The following SPIRE1 variants were observed in gnomAD, a reference collection of about 807,000 sequenced individuals.
The protein encoded by SPIRE1 is protein spire homolog 1.
Under a neutral mutation model 94.1 loss-of-function variants are expected in SPIRE1, and 40 were observed. That is an observed-to-expected ratio of 0.43 (90% confidence interval 0.33 to 0.55). SPIRE1 has a LOEUF of 0.55. Ranked by LOEUF, SPIRE1 falls within the 20% of genes least tolerant of loss-of-function variation. The pLI is 0.06. For missense variants in SPIRE1, 838 were observed against 975.2 expected (o/e 0.86, Z 1.87); for synonymous variants, 376 against 371.7 (o/e 1.01, Z -0.13).
chr18:12,487,302 G>A (rs2033072022), intron 8 of SPIRE1, among the ~76,000 whole-genome samples: 1 of 151,972 alleles, frequency 6.6e-6, no homozygotes, highest in Admixed American at 6.6e-5. Flanking sequence ...TACATATAAA[G>A]TTTGGTACTA....
intron 2 of SPIRE1, among the ~76,000 whole-genome samples, chr18:12,583,326 G>A (rs143212959): frequency 5.8e-4 from 89 of 152,276 alleles, no homozygotes; most frequent in African/African-American, 2.1e-3. Flanking sequence ...GAAAAAGGCC[G>A]GGTATGGTGG....
At chr18:12,558,621 T>C (rs1021254239) in intron 2 of SPIRE1, among the ~76,000 whole-genome samples, 4 of 152,194 alleles carry the variant, frequency 2.6e-5, no homozygotes, top group African/African-American at 4.8e-5. Flanking sequence ...AGAGTGCTGA[T>C]TGGTGTGTTT....
At chr18:12,597,186 AC>A (rs2036699089) in intron 2 of SPIRE1, among the ~76,000 whole-genome samples, 2 of 151,364 alleles carry the variant, frequency 1.3e-5, no homozygotes, top group Admixed American at 6.6e-5. Context: ...ACACACACAC[AC>A]ACACACACAC....
chr18:12,499,162 G>C (rs2033568271), intron 6 of SPIRE1, among the ~76,000 whole-genome samples: 1 of 152,080 alleles, frequency 6.6e-6, no homozygotes, highest in Non-Finnish European at 1.5e-5. Flanking sequence ...GACTGATATT[G>C]GTCCCCTAAT....
At chr18:12,514,604 C>A (rs577504754) in intron 4 of SPIRE1, among the ~76,000 whole-genome samples, 3 of 152,222 alleles carry the variant, frequency 2.0e-5, no homozygotes, top group African/African-American at 7.2e-5. Flanking sequence ...TATTTAATAG[C>A]CCTTACCAAG....
Position 12,448,893 on chromosome 18 carries a change from G to A in SPIRE1, c.*745C>T, listed in dbSNP as rs1387434083. The A allele has an allele frequency of 2.0e-5, 3 of 152,494 alleles. No individual in the cohort carries two copies. The highest frequency in any genetic ancestry group is 7.2e-5 in the African/African-American group (3 of 41,410). The allele number at this position is 152,494 out of a possible 1,614,324, so 9.4% of individuals were successfully genotyped here. A position where few individuals can be genotyped will look rare whatever the true frequency, so the allele number is the denominator to read the frequency against. ...AACTCCCACACAACTTTAATTCTTA[G>A]ACCTCCATTATAAAACTATTAGTAA... On this transcript the variant is annotated 3_prime_UTR_variant, in exon 17 of 17. Coordinates refer to ENST00000409402, the MANE Select transcript of SPIRE1 (RefSeq NM_001128626.2). This position sits in a 1 kb window ranked among gnomAD's most constrained non-coding sequence, Gnocchi z 4.4.
intron 9 of SPIRE1, among the ~76,000 whole-genome samples, chr18:12,481,935 A>T (rs1376350955): frequency 6.6e-6 from 1 of 152,048 alleles, no homozygotes; most frequent in Non-Finnish European, 1.5e-5. Flanking sequence ...CACACCTTCC[A>T]CCTTTCCTAA....
At chr18:12,506,665 ACAT>A (rs1348479573) in intron 5 of SPIRE1, 24 bp from the exon 6 acceptor site, 1 of 1,609,410 alleles carries the variant, frequency 6.2e-7, no homozygotes, top group East Asian at 2.2e-5. Context: ...GGATAGAGAG[ACAT>A]CAATGAATAA....
chr18:12,606,586 G>A (rs1188416357), intron 2 of SPIRE1, among the ~76,000 whole-genome samples: 3 of 150,434 alleles, frequency 2.0e-5, no homozygotes, highest in Non-Finnish European at 4.4e-5. Flanking sequence ...GCTGGAATGC[G>A]GTAGCACGAT....
At chr18:12,606,566 T>C (rs1567963365) in intron 2 of SPIRE1, among the ~76,000 whole-genome samples, 1 of 151,400 alleles carries the variant, frequency 6.6e-6, no homozygotes, top group Non-Finnish European at 1.5e-5. Context: ...GGTCTTACTC[T>C]GTCGCCCAGG....
At chr18:12,514,042 A>C (rs1271084798) in intron 4 of SPIRE1, among the ~76,000 whole-genome samples, 1 of 151,836 alleles carries the variant, frequency 6.6e-6, no homozygotes, top group Non-Finnish European at 1.5e-5. Flanking sequence ...GGGTCTCACT[A>C]TATTGCCTGG....
chr18:12,575,026 A>G (rs12970174), intron 2 of SPIRE1, among the ~76,000 whole-genome samples: 53,723 of 152,062 alleles, frequency 0.35, 10,780 homozygotes, highest in East Asian at 0.58. Flanking sequence ...CAGCAGTCTC[A>G]GAAAATTCAA....
At chr18:12,656,027 T>C (rs1231193880) in intron 1 of SPIRE1, among the ~76,000 whole-genome samples, 3 of 151,824 alleles carry the variant, frequency 2.0e-5, no homozygotes, top group Non-Finnish European at 4.4e-5. Context: ...GCCTCCCGAG[T>C]AGCTGGTATT....
intron 2 of SPIRE1, among the ~76,000 whole-genome samples, chr18:12,555,530 AATCT>A (rs893686941): frequency 2.6e-5 from 4 of 152,182 alleles, no homozygotes; most frequent in African/African-American, 9.7e-5. Flanking sequence ...CAAATCAATC[AATCT>A]GACACATCAT....
intron 9 of SPIRE1, among the ~76,000 whole-genome samples, chr18:12,482,230 C>T (rs772379173): frequency 3.3e-5 from 5 of 152,178 alleles, no homozygotes; most frequent in Admixed American, 6.5e-5. Flanking sequence ...GTAACCTCTG[C>T]CTCCTGGGTT....
intron 6 of SPIRE1, among the ~76,000 whole-genome samples, chr18:12,506,075 T>C (rs1037132524): frequency 6.6e-6 from 1 of 152,178 alleles, no homozygotes. Context: ...TGTATAAAAA[T>C]AAATAATTTT....
At chr18:12,566,199 G>A (rs1388480110) in intron 2 of SPIRE1, among the ~76,000 whole-genome samples, 1 of 152,032 alleles carries the variant, frequency 6.6e-6, no homozygotes, top group Non-Finnish European at 1.5e-5. Context: ...AGCTGGGCAT[G>A]GTGGTGCATG....
intron 3 of SPIRE1, among the ~76,000 whole-genome samples, chr18:12,537,754 A>T (rs573520159): frequency 6.6e-6 from 1 of 152,308 alleles, no homozygotes; most frequent in Non-Finnish European, 1.5e-5. Flanking sequence ...AAATCACTCC[A>T]TTTACAATTG....
At chr18:12,517,205 T>C (rs1321667217) in intron 4 of SPIRE1, among the ~76,000 whole-genome samples, 1 of 152,228 alleles carries the variant, frequency 6.6e-6, no homozygotes, top group Non-Finnish European at 1.5e-5. Flanking sequence ...CAGTAGGTAT[T>C]AGTTATTATG....
Sources: allele counts gnomAD v4.1 joint callset (sites outside exome capture counted in the v4.1 genomes callset), GRCh38; gene constraint gnomAD v4.1.1; non-coding constraint Gnocchi (gnomAD v3.1); transcripts MANE v1.5; gene names NCBI Gene and HGNC (gene_info 2026-07-23, HGNC 2026-07-21).